The following DNAJC3 variants were observed in gnomAD, a reference collection of about 807,000 sequenced individuals.
DNAJC3 encodes DnaJ heat shock protein family (Hsp40) member C3.
In DNAJC3, 38 loss-of-function variants were observed where a neutral mutation model predicts 68.6. The ratio of observed to expected loss-of-function variants is 0.55; its 90% CI spans 0.43 to 0.73. DNAJC3 has a LOEUF of 0.73. Among genes scored for constraint, DNAJC3 ranks in the 30% least tolerant of loss-of-function variants. The pLI, the probability that DNAJC3 is intolerant of heterozygous loss-of-function variation, is 0.00. For missense variants in DNAJC3, 526 were observed against 591.9 expected, an observed-to-expected ratio of 0.89 and a Z score of 1.16; for synonymous variants, 203 against 204.0, an observed-to-expected ratio of 1.00 and a Z score of 0.04.
intron 1 of DNAJC3, among the ~76,000 whole-genome samples, chr13:95,703,425 A>G (rs1880633425): frequency 6.6e-6 from 1 of 152,230 alleles, no homozygotes; most frequent in Non-Finnish European, 1.5e-5. Context: ...GTGGCACCAA[A>G]TGCACAGTGG....
chr13:95,678,806 A>G (rs1450114632), intron 1 of DNAJC3, among the ~76,000 whole-genome samples: 2 of 152,118 alleles, frequency 1.3e-5, no homozygotes, highest in African/African-American at 2.4e-5. Context: ...GCTGTTCTGT[A>G]TATGAGTCTG....
rs565475431 is a variant in DNAJC3, at chr13:95,725,929, G to C, written c.393+677G>C. Among the ~76,000 whole-genome samples, 4 of 149,444 alleles carry C rather than the reference G, an allele frequency of 2.7e-5. 1 individual carries two copies. The highest frequency in any genetic ancestry group is 9.9e-5 in the African/African-American group (4 of 40,556). Reference sequence around the variant, plus strand: ...TATGAGTGAGAACATGCGGTGTTTGGTTTTTTGTCCTTGCGATAGTTTGCT... The same window carrying C: ...TATGAGTGAGAACATGCGGTGTTTGCTTTTTTGTCCTTGCGATAGTTTGCT... On this transcript the variant is annotated intron_variant, in intron 4 of 11. Transcript: ENST00000602402.
intron 2 of DNAJC3, among the ~76,000 whole-genome samples, chr13:95,720,815 G>T (rs891726532): frequency 2.0e-5 from 3 of 150,850 alleles, no homozygotes; most frequent in African/African-American, 4.9e-5. Flanking sequence ...GAAAAAGAAG[G>T]TTTTTTTTTG....
At chr13:95,701,899 A>G (rs1274846709) in intron 1 of DNAJC3, among the ~76,000 whole-genome samples, 1 of 152,180 alleles carries the variant, frequency 6.6e-6, no homozygotes, top group Non-Finnish European at 1.5e-5. Context: ...TTATTATTAA[A>G]CATATCGCAA....
At chr13:95,734,447 CT>C (rs1881822317) in intron 4 of DNAJC3, among the ~76,000 whole-genome samples, 3 of 152,284 alleles carry the variant, frequency 2.0e-5, no homozygotes, top group African/African-American at 7.2e-5. Flanking sequence ...GTTTTCAGAA[CT>C]TTCTCCTAGT....
chr13:95,752,307 C>T (rs1015740347), intron 4 of DNAJC3, among the ~76,000 whole-genome samples: 1 of 152,100 alleles, frequency 6.6e-6, no homozygotes, highest in African/African-American at 2.4e-5. Flanking sequence ...TGAAAAGTTA[C>T]TACATGTTAA....
chr13:95,730,008 A>G lies in DNAJC3; in HGVS notation c.393+4756A>G, dbSNP rs548011654. On this transcript the variant is annotated intron_variant, in intron 4 of 11. Transcript: ENST00000602402. ...CTGTGCAGAGGCTTATTATTTTTACATTTTTGAGTTGGGGTCTCTGTCACC... is the reference window on the plus strand; with the variant it reads ...CTGTGCAGAGGCTTATTATTTTTACGTTTTTGAGTTGGGGTCTCTGTCACC... Among the ~76,000 whole-genome samples, 5 of 152,082 alleles carry G rather than the reference A, an allele frequency of 3.3e-5. No homozygotes were observed. The East Asian group carries it at 9.7e-4, about 29-fold the overall frequency.
At chr13:95,787,656 C>G (rs1466379163) in intron 11 of DNAJC3, among the ~76,000 whole-genome samples, 1 of 151,774 alleles carries the variant, frequency 6.6e-6, no homozygotes, top group East Asian at 1.9e-4. Context: ...ATTAGATTCA[C>G]AGGCTTATAT....
At chr13:95,740,832 C>A (rs555719639) in intron 4 of DNAJC3, among the ~76,000 whole-genome samples, 30 of 152,332 alleles carry the variant, frequency 2.0e-4, no homozygotes, top group African/African-American at 7.0e-4. Context: ...ATCTTGGCTC[C>A]TCCCCTGAAG....
At chr13:95,682,705 T>C (rs1477564713) in intron 1 of DNAJC3, among the ~76,000 whole-genome samples, 1 of 152,150 alleles carries the variant, frequency 6.6e-6, no homozygotes, top group Admixed American at 6.5e-5. Context: ...TTACAGACCA[T>C]GTGGCAAAGG....
intron 4 of DNAJC3, among the ~76,000 whole-genome samples, chr13:95,735,507 G>A (rs1246146938): frequency 2.7e-5 from 4 of 149,160 alleles, no homozygotes; most frequent in Non-Finnish European, 4.4e-5. Flanking sequence ...TTTAATGATT[G>A]CCATTCTAAC....
intron 9 of DNAJC3, among the ~76,000 whole-genome samples, chr13:95,781,178 T>C (rs531735205): frequency 6.6e-6 from 1 of 152,248 alleles, no homozygotes; most frequent in East Asian, 1.9e-4. Context: ...TCCAGGTTTG[T>C]TGTAGAGGTT....
intron 7 of DNAJC3, 39 bp from the exon 8 acceptor site, chr13:95,763,604 A>G: frequency 6.3e-7 from 1 of 1,592,768 alleles, no homozygotes; most frequent in Non-Finnish European, 8.6e-7. Flanking sequence ...CTGGAAATCA[A>G]ATGTCATCAT....
At chr13:95,703,562 T>C (rs972219666) in intron 1 of DNAJC3, among the ~76,000 whole-genome samples, 10 of 152,230 alleles carry the variant, frequency 6.6e-5, no homozygotes, top group Admixed American at 6.5e-4. Context: ...CATGTGTTCT[T>C]GAATGACTGA....
chr13:95,743,419 G>T (rs1375506987), intron 4 of DNAJC3, among the ~76,000 whole-genome samples: 1 of 152,216 alleles, frequency 6.6e-6, no homozygotes, highest in Non-Finnish European at 1.5e-5. Context: ...CCTGTGATTA[G>T]TGGCGGTTTG....
intron 1 of DNAJC3, chr13:95,692,715 T>G (rs188406853): frequency 6.6e-6 from 1 of 152,194 alleles, no homozygotes; most frequent in Non-Finnish European, 1.5e-5. Context: ...CACAAAATGA[T>G]ATCAAAACAA....
intron 1 of DNAJC3, among the ~76,000 whole-genome samples, chr13:95,685,802 T>C (rs1880059625): frequency 6.6e-6 from 1 of 152,016 alleles, no homozygotes; most frequent in African/African-American, 2.4e-5. Flanking sequence ...TCTATTTTTT[T>C]TTAAGCTTTT....
chr13:95,754,456 CTT>C (rs1470096553), intron 4 of DNAJC3, among the ~76,000 whole-genome samples: 2 of 152,080 alleles, frequency 1.3e-5, no homozygotes, highest in Non-Finnish European at 2.9e-5. Context: ...TTTTAACAAA[CTT>C]TTATACTGCA....
intron 4 of DNAJC3, among the ~76,000 whole-genome samples, chr13:95,750,155 C>A (rs1490378174): frequency 6.7e-6 from 1 of 150,280 alleles, no homozygotes; most frequent in Non-Finnish European, 1.5e-5. Context: ...GTAACAGGGA[C>A]AATGTGGAAT....
Sources: gnomAD v4.1 joint callset for allele counts (sites outside exome capture counted in the v4.1 genomes callset) on GRCh38, gnomAD v4.1.1 for gene constraint, MANE v1.5 for transcripts, NCBI Gene and HGNC (gene_info 2026-07-23, HGNC 2026-07-21) for gene names.